ZFYVE26: variants seen among roughly 807,000 people sequenced by gnomAD.
ZFYVE26 encodes zinc finger FYVE-type containing 26, also known as zinc finger FYVE domain-containing protein 26.
In ZFYVE26, 181 loss-of-function variants were observed where a neutral mutation model predicts 276.5. That is an observed-to-expected ratio of 0.65 (90% CI 0.58 to 0.74). The LOEUF (loss-of-function observed/expected upper bound fraction) is 0.74. Ranked by LOEUF, ZFYVE26 falls within the 30% of genes least tolerant of loss-of-function variation. ZFYVE26 has a pLI of 0.00. For synonymous variants in ZFYVE26, 1,129 were observed against 1,203.1 expected, an observed-to-expected ratio of 0.94 and a Z score of 1.27; for missense variants, 2,821 against 3,097.9, an observed-to-expected ratio of 0.91 and a Z score of 2.12.
chr14:67,767,748 C>T lies in ZFYVE26; in HGVS notation c.5746G>A (p.Glu1916Lys), dbSNP rs1158779761. The T allele has an allele frequency of 1.2e-5, 20 of 1,614,200 alleles. No homozygotes were observed. The highest frequency in any genetic ancestry group is 1.7e-5 in the Non-Finnish European group (20 of 1,180,042). The change falls in exon 31 of 42, where the codon GAG becomes AAG. Residue 1916 changes from glutamate to lysine, a missense_variant. Transcript: ENST00000347230. ...CTCCGCACCAGCTCATTTTCCTCCT[C>T]TTTGAGATCCAAAATCCATTCCACC... ...DEVEWILDLKEEENELVRSEF... is the reference protein window; with the variant it reads ...DEVEWILDLKKEENELVRSEF...
Position 67,783,344 on chromosome 14 carries a change from G to A in ZFYVE26, c.3808C>T (p.Leu1270Phe), listed in dbSNP as rs770588446. 2.7e-5 allele frequency: 44 copies of A among 1,613,016 alleles called. No individual in the cohort carries two copies. Among genetic ancestry groups the A allele is most frequent in the Non-Finnish European group, 3.6e-5 (43 of 1,179,202 alleles). The stretch of plus-strand genomic sequence containing the variant: ...GTCCTCGGGGAGCTCGGTGTAGAAA[G>A]TGGGAGGTCATCCAGGCAGTGAGAG... ...HASHCLDDLP[L>F]STPSSPRTTE... The change falls in exon 21 of 42, where the codon CTT (leucine) becomes TTT (phenylalanine). Residue 1270 changes from leucine to phenylalanine, a missense_variant. Leu to Phe is a conservative substitution (Grantham distance 22). Coordinates refer to ENST00000347230, the MANE Select transcript of ZFYVE26 (RefSeq NM_015346.4).
At chr14:67,767,630 A>T in intron 31 of ZFYVE26, 74 bp downstream of exon 31, 1 of 1,602,918 alleles carries the variant, frequency 6.2e-7, no homozygotes, top group Non-Finnish European at 8.5e-7. Context: ...GTGTTCACCT[A>T]CCTCTGTATT....
chr14:67,797,159 T>C (rs898759150), intron 12 of ZFYVE26: 2 of 168,910 alleles, frequency 1.2e-5, no homozygotes, highest in Admixed American at 5.4e-5. Context: ...GGGTAATATC[T>C]ATATATGATA....
chr14:67,799,596 A>G (rs1594931911), intron 10 of ZFYVE26: 3 of 1,469,016 alleles, frequency 2.0e-6, no homozygotes, highest in Admixed American at 3.3e-5. Flanking sequence ...GCTCTCAAGA[A>G]ATAAAAGAAA....
intron 34 of ZFYVE26, 159 bp downstream of exon 34, chr14:67,762,044 T>A: frequency 1.4e-6 from 1 of 697,340 alleles, no homozygotes; most frequent in South Asian, 1.7e-5. Context: ...TATGGTTACT[T>A]ATCTAACTAT....
downstream of ZFYVE26, among the ~76,000 whole-genome samples, chr14:67,745,769 C>G (rs996865199): frequency 6.6e-6 from 1 of 151,514 alleles, no homozygotes; most frequent in African/African-American, 2.4e-5. Flanking sequence ...GGAAGTAGCC[C>G]TGTAATTCTA....
chr14:67,772,654 G>A (rs990362761), intron 27 of ZFYVE26, among the ~76,000 whole-genome samples: 3 of 152,240 alleles, frequency 2.0e-5, no homozygotes, highest in Non-Finnish European at 4.4e-5. Flanking sequence ...CGCTTTAAGA[G>A]GCTGGTGCAG....
At chr14:67,814,141 T>C in intron 2 of ZFYVE26, 77 bp from the exon 3 acceptor site, 9 of 1,165,996 alleles carry the variant, frequency 7.7e-6, no homozygotes, top group Non-Finnish European at 1.0e-5. Flanking sequence ...AAGACAGATT[T>C]CATTGCTTAT....
chr14:67,793,049 C>T (rs905233382), intron 14 of ZFYVE26, among the ~76,000 whole-genome samples: 8 of 151,870 alleles, frequency 5.3e-5, no homozygotes, highest in African/African-American at 1.9e-4. Context: ...CACTTGAGGT[C>T]AGGAGTTCGA....
At chr14:67,735,292 C>T (rs952949840) in intron 13 of ZFYVE26, 1 of 871,076 alleles carries the variant, frequency 1.1e-6, no homozygotes, top group South Asian at 1.3e-5. Context: ...GCTCAGGCTA[C>T]ATCTCACCTC....
intron 20 of ZFYVE26, 64 bp from the exon 21 acceptor site, chr14:67,783,589 C>T (rs2039568236): frequency 2.5e-6 from 4 of 1,592,190 alleles, no homozygotes; most frequent in Middle Eastern, 1.7e-4. Flanking sequence ...ACCAGTCTTA[C>T]AATTTCTTTA....
At chr14:67,761,621 C>A in intron 34 of ZFYVE26, 37 bp from the exon 35 acceptor site, 1 of 1,587,302 alleles carries the variant, frequency 6.3e-7, no homozygotes, top group South Asian at 1.1e-5. Context: ...AAATGAAACT[C>A]AAAAAGTTCT....
In ZFYVE26 at chr14:67,807,833, A is replaced by T; in HGVS notation, c.451T>A (p.Ser151Thr). The T allele has an allele frequency of 6.2e-7, 1 of 1,613,962 alleles. No homozygotes were observed. The highest frequency in any genetic ancestry group is 1.3e-5 in the African/African-American group (1 of 75,018). ...RRESWTPRLS[S>T]EAVSVLWDLL... ...TCCCAGAGCACAGAGACAGCTTCGG[A>T]GCTGAGACGAGGAGTCCAGCTCTCC... The change falls in exon 5 of 42, where the codon TCC becomes ACC. Residue 151 changes from serine (S) to threonine (T), a missense_variant. Physicochemically the swap from Ser to Thr is moderately conservative, Grantham distance 58 (BLOSUM62 1). Coordinates refer to ENST00000347230, the MANE Select transcript of ZFYVE26 (RefSeq NM_015346.4).
At chr14:67,750,619 T>C (rs1275542628) in intron 41 of ZFYVE26, 1 of 230,036 alleles carries the variant, frequency 4.3e-6, no homozygotes, top group African/African-American at 2.3e-5. Flanking sequence ...TGTTGGACAT[T>C]GTTGGTCAAA....
In ZFYVE26 at chr14:67,806,533, A is replaced by G. The variant is rs1379616838; in HGVS notation, c.1017+12T>C. The stretch of plus-strand genomic sequence containing the variant: ...TGGGTACCTCTGTGATGAACAATTA[A>G]GCTTGACTTACCAGAATCTGCTCGA... On this transcript the variant is annotated intron_variant, in intron 6 of 41. Transcript: ENST00000347230. 8 of 1,614,126 alleles carry G rather than the reference A, an allele frequency of 5.0e-6. No individual in the cohort carries two copies. Among genetic ancestry groups the G allele is most frequent in the Non-Finnish European group, 6.8e-6 (8 of 1,179,976 alleles).
rs1200527888 is a variant in ZFYVE26 at position 67,805,318 on chromosome 14, G to A, written c.1183-13C>T. 5.0e-6 allele frequency: 8 copies of A among 1,614,024 alleles called. No homozygotes were observed. The highest frequency in any genetic ancestry group is 5.9e-6 in the Non-Finnish European group (7 of 1,179,924). On this transcript the variant is annotated splice_polypyrimidine_tract_variant and intron_variant, in intron 7 of 41. Coordinates refer to ENST00000347230, the MANE Select transcript of ZFYVE26 (RefSeq NM_015346.4). ...CACAGCCTGGGCCCTATGTTGATATGGGAGAAGAAAGAGATGCTGACTCAG... is the reference window on the plus strand; with the variant it reads ...CACAGCCTGGGCCCTATGTTGATATAGGAGAAGAAAGAGATGCTGACTCAG...
chr14:67,768,012 C>A (rs2039104123), intron 30 of ZFYVE26, among the ~76,000 whole-genome samples, 172 bp from the exon 31 acceptor site: 1 of 152,216 alleles, frequency 6.6e-6, no homozygotes, highest in South Asian at 2.1e-4. Flanking sequence ...GCACCTCAAA[C>A]CATCTTCCCC....
chr14:67,802,034 T>C, intron 10 of ZFYVE26, 45 bp downstream of exon 10: 1 of 1,598,102 alleles, frequency 6.3e-7, no homozygotes, highest in Non-Finnish European at 8.6e-7. Context: ...CCCACTGGCA[T>C]GTGTTGTTAT....
At chr14:67,810,607 T>C (rs930795169) in intron 3 of ZFYVE26, among the ~76,000 whole-genome samples, 10 of 152,178 alleles carry the variant, frequency 6.6e-5, no homozygotes, top group African/African-American at 2.4e-4. Flanking sequence ...AGATGTGCCA[T>C]CAGAGAGGTC....
Sources: allele counts gnomAD v4.1 joint callset (sites outside exome capture counted in the v4.1 genomes callset), GRCh38; gene constraint gnomAD v4.1.1; transcripts MANE v1.5; gene names NCBI Gene and HGNC (gene_info 2026-07-23, HGNC 2026-07-21).